Variants in VIPR2 observed in about 807,000 individuals in gnomAD.
VIPR2 encodes the protein vasoactive intestinal peptide receptor 2.
In VIPR2, 48 loss-of-function variants were observed where a neutral mutation model predicts 58.0. The observed-to-expected ratio is 0.83, with a 90% confidence interval of 0.66 to 1.05. VIPR2 has a LOEUF of 1.05. VIPR2 is among the 50% of genes least tolerant of loss of function. The pLI is 0.00. For missense variants in VIPR2, 534 were observed against 558.0 expected, an observed-to-expected ratio of 0.96 and a Z score of 0.43; for synonymous variants, 243 against 235.2, an observed-to-expected ratio of 1.03 and a Z score of -0.30.
chr7:159,140,473 C>A (rs952700211), intron 2 of VIPR2, among the ~76,000 whole-genome samples: 7 of 152,206 alleles, frequency 4.6e-5, no homozygotes, highest in African/African-American at 1.4e-4. Flanking sequence ...CAGGCTGAGG[C>A]CCCGGCATGC....
At chr7:159,080,426 G>A (rs1856842505) in intron 4 of VIPR2, among the ~76,000 whole-genome samples, 2 of 152,164 alleles carry the variant, frequency 1.3e-5, no homozygotes, top group Admixed American at 1.3e-4. Context: ...AACCCTTCAT[G>A]TTAAAAACTC....
Position 159,142,341 on chromosome 7 carries a change from T to C in VIPR2, c.151+105A>G, listed in dbSNP as rs566061748. On this transcript the variant is annotated intron_variant, in intron 2 of 12. Coordinates refer to ENST00000262178, the MANE Select transcript of VIPR2 (RefSeq NM_003382.5). ...TGGGAAGTGGCCTTTCTTTTTCTTTTTTTTTTTTTAAGATGCAGGTGGTGA... is the reference window on the plus strand; with the variant it reads ...TGGGAAGTGGCCTTTCTTTTTCTTTCTTTTTTTTTAAGATGCAGGTGGTGA... 30 of 806,952 alleles carry C rather than the reference T, an allele frequency of 3.7e-5. No homozygotes were observed. In the South Asian group the frequency reaches 4.0e-4, roughly 11 times the overall value. The allele number at this position is 806,952 out of a possible 1,614,324, so 50.0% of individuals were successfully genotyped here. A position where few individuals can be genotyped will look rare whatever the true frequency, so the allele number is the denominator to read the frequency against.
chr7:159,094,769 G>A (rs1857732618), intron 4 of VIPR2, among the ~76,000 whole-genome samples: 1 of 152,184 alleles, frequency 6.6e-6, no homozygotes, highest in African/African-American at 2.4e-5. Flanking sequence ...TTCCTTTATG[G>A]TATGTCCAAG....
chr7:159,092,650 C>CTTTTT (rs60400731), intron 4 of VIPR2, among the ~76,000 whole-genome samples: 89 of 133,624 alleles, frequency 6.7e-4, no homozygotes, highest in Non-Finnish European at 1.1e-3. Flanking sequence ...CTTTTCTTTT[C>CTTTTT]TTTTTTTTTT....
At chr7:159,133,773 G>T (rs1797086121) in intron 2 of VIPR2, among the ~76,000 whole-genome samples, 1 of 152,104 alleles carries the variant, frequency 6.6e-6, no homozygotes, top group African/African-American at 2.4e-5. Flanking sequence ...AGAAAATTAG[G>T]TGCTTGTAAA....
At chr7:159,050,853 T>G (rs1854962704) in intron 5 of VIPR2, among the ~76,000 whole-genome samples, 1 of 152,100 alleles carries the variant, frequency 6.6e-6, no homozygotes, top group Non-Finnish European at 1.5e-5. Context: ...TGCTAAAAAC[T>G]GAAAAAAGTC....
chr7:159,107,381 GA>G (rs1247544370), intron 3 of VIPR2, among the ~76,000 whole-genome samples: 2 of 152,244 alleles, frequency 1.3e-5, no homozygotes, highest in African/African-American at 4.8e-5. Context: ...GCTGCTCACA[GA>G]AGGCTGTCCT....
At chr7:159,142,337 C>CTTTTT (rs71302077) in intron 2 of VIPR2, 109 bp downstream of exon 2, 7 of 630,200 alleles carry the variant, frequency 1.1e-5, no homozygotes, top group South Asian at 2.4e-5. Context: ...CTTTCTTTTT[C>CTTTTT]TTTTTTTTTT....
intron 4 of VIPR2, among the ~76,000 whole-genome samples, chr7:159,058,892 C>T (rs1855476907): frequency 1.3e-5 from 2 of 152,190 alleles, no homozygotes; most frequent in South Asian, 4.1e-4. Context: ...GAGCTAAGTT[C>T]AGAAAGAGAG....
At chr7:159,123,066 G>A (rs1314322854) in intron 2 of VIPR2, among the ~76,000 whole-genome samples, 1 of 151,964 alleles carries the variant, frequency 6.6e-6, no homozygotes, top group Non-Finnish European at 1.5e-5. Context: ...AGGCCGAGGC[G>A]GGCAGATCAC....
rs1858070228 is a variant in VIPR2 at position 159,099,398 on chromosome 7, A to G, written c.357+4359T>C. Among the ~76,000 whole-genome samples, 3 of 152,198 alleles carry G rather than the reference A, an allele frequency of 2.0e-5. No homozygotes were observed. ...GAAGAGCTTGCCACGTGTCCCTGGG[A>G]TGCCTCACAGGGTGTGCCCAGGAGG... On this transcript the variant is annotated intron_variant, in intron 4 of 12. Coordinates refer to ENST00000262178, the MANE Select transcript of VIPR2 (RefSeq NM_003382.5). The surrounding 1 kb of genome is among the most constrained non-coding windows in gnomAD (Gnocchi z 4.2).
intron 4 of VIPR2, among the ~76,000 whole-genome samples, chr7:159,088,914 G>A (rs1254695769): frequency 1.3e-5 from 1 of 74,078 alleles, no homozygotes; most frequent in African/African-American, 5.7e-5. Flanking sequence ...CTGTGGAATG[G>A]GAATAGCCTC....
At position 159,099,147 on chromosome 7, in the gene VIPR2, G is replaced by A. The variant is rs12669974; in HGVS notation, c.357+4610C>T. 0.18 allele frequency among the ~76,000 whole-genome samples: 27,362 copies of A among 152,254 alleles called. 4,238 individuals carry two copies. Among genetic ancestry groups the A allele is most frequent in the African/African-American group, 0.42 (17,491 of 41,522 alleles). On this transcript the variant is annotated intron_variant, in intron 4 of 12. Transcript: ENST00000262178. This position sits in a 1 kb window ranked among gnomAD's most constrained non-coding sequence, Gnocchi z 4.2. ...ACAGGAAGAAAAATTATTCATTTTG[G>A]TTTTGTGCCATCCTTTTCTTTGCTT...
intron 4 of VIPR2, among the ~76,000 whole-genome samples, chr7:159,084,096 T>A (rs945901030): frequency 6.6e-6 from 1 of 152,266 alleles, no homozygotes; most frequent in Admixed American, 6.5e-5. Context: ...TCTTAACCAA[T>A]GCCACTTTGC....
intron 2 of VIPR2, among the ~76,000 whole-genome samples, chr7:159,121,351 G>A (rs543764043): frequency 1.3e-5 from 2 of 152,276 alleles, no homozygotes; most frequent in South Asian, 2.1e-4. Context: ...GGATGGGGGA[G>A]AGACATGACA....
At chr7:159,034,108 G>A (rs890030062) in intron 10 of VIPR2, 105 bp downstream of exon 10, 60 of 1,085,506 alleles carry the variant, frequency 5.5e-5, no homozygotes, top group East Asian at 5.4e-4. Flanking sequence ...TGACAGTGGC[G>A]GAGGCGGAGT....
chr7:159,123,247 C>T (rs893842564), intron 2 of VIPR2, among the ~76,000 whole-genome samples: 6 of 138,346 alleles, frequency 4.3e-5, no homozygotes, highest in African/African-American at 1.4e-4. Flanking sequence ...GAGCCAAGGT[C>T]GCCCCACTGC....
At position 159,043,083 on chromosome 7, in the gene VIPR2, G is replaced by A. The variant is rs1585348322; in HGVS notation, c.549C>T (p.Leu183=). 6 of 1,614,184 alleles carry A rather than the reference G, an allele frequency of 3.7e-6. No homozygotes were observed. Among genetic ancestry groups the A allele is most frequent in the Middle Eastern group, 1.6e-4 (1 of 6,062 alleles). ...AISVLVKDDV[L]YSSSGTLHCP... ...AGTGCAACGTGCCAGAGCTGGAGTA[G>A]AGAACGTCGTCCTTGACCAGCACTG... Residue 183 remains leucine, a synonymous_variant, in exon 6 of 13, where the codon CTC becomes CTT. Transcript: ENST00000262178.
intron 4 of VIPR2, among the ~76,000 whole-genome samples, chr7:159,076,036 C>A (rs1460964042): frequency 1.3e-5 from 2 of 152,142 alleles, no homozygotes; most frequent in Non-Finnish European, 2.9e-5. Flanking sequence ...GGTGGGTCAC[C>A]CTGTTCTGTA....
Sources: allele counts gnomAD v4.1 joint callset (sites outside exome capture counted in the v4.1 genomes callset), GRCh38; gene constraint gnomAD v4.1.1; non-coding constraint Gnocchi (gnomAD v3.1); transcripts MANE v1.5; gene names NCBI Gene and HGNC (gene_info 2026-07-23, HGNC 2026-07-21).